The following SCARA5 variants were observed in gnomAD, a reference collection of about 807,000 sequenced individuals.
SCARA5 encodes the protein scavenger receptor class A member 5, also known as scavenger receptor class A, member 5 (putative).
A neutral mutation model predicts 46.3 loss-of-function variants in SCARA5; 45 were observed. That is an observed-to-expected ratio of 0.97 (90% CI 0.76 to 1.24). The LOEUF is 1.24. Ranked by LOEUF, SCARA5 falls within the 50% of genes most tolerant of loss-of-function variation. The pLI, the probability that SCARA5 is intolerant of heterozygous loss-of-function variation, is 0.00. For missense variants in SCARA5, 680 were observed against 689.0 expected (o/e 0.99, Z 0.15); for synonymous variants, 333 against 306.5 (o/e 1.09, Z -0.90).
intron 2 of SCARA5, among the ~76,000 whole-genome samples, chr8:27,974,478 C>A (rs1024002977): frequency 6.6e-5 from 10 of 151,974 alleles, no homozygotes; most frequent in Non-Finnish European, 1.5e-4. Flanking sequence ...GGCAATGATT[C>A]CATTGTTACC....
chr8:27,937,747 C>A (rs1420548833), intron 3 of SCARA5, among the ~76,000 whole-genome samples: 3 of 152,184 alleles, frequency 2.0e-5, no homozygotes, highest in Non-Finnish European at 2.9e-5. Context: ...CTCTCCTTGG[C>A]TCGTAGATGG....
chr8:27,966,268 T>C, intron 3 of SCARA5, 146 bp downstream of exon 3: 1 of 805,064 alleles, frequency 1.2e-6, no homozygotes. Context: ...CAAGCAATAC[T>C]ACTGAAGAGC....
intron 3 of SCARA5, among the ~76,000 whole-genome samples, chr8:27,946,141 G>A (rs1184075681): frequency 2.0e-5 from 3 of 152,218 alleles, no homozygotes; most frequent in Non-Finnish European, 4.4e-5. Flanking sequence ...TAGAGAAGTC[G>A]TGGATGAGCA....
chr8:27,918,679 T>TGAG (rs1563525100), intron 4 of SCARA5, among the ~76,000 whole-genome samples: 1 of 11,936 alleles, frequency 8.4e-5, no homozygotes, highest in South Asian at 5.0e-3. Flanking sequence ...AAAAGGAAGA[T>TGAG]GAGGAGGAAA....
At position 27,966,509 on chromosome 8, in the gene SCARA5, C is replaced by T. The variant is rs977295794; in HGVS notation, c.146G>A (p.Cys49Tyr). ...PCHKRRASIC[C>Y]TQLGSLSALK... ...GGCCGACAGGGACCCCAGCTGGGTACAGCAGATGCTTGCCCGCCGTTTGTG... is the reference window on the plus strand; with the variant it reads ...GGCCGACAGGGACCCCAGCTGGGTATAGCAGATGCTTGCCCGCCGTTTGTG... The change falls in exon 3 of 9, where the codon TGT becomes TAT. Residue 49 changes from cysteine to tyrosine, a missense_variant. Physicochemically the swap from Cys to Tyr is radical, Grantham distance 194. Coordinates refer to ENST00000354914, the MANE Select transcript of SCARA5 (RefSeq NM_173833.6). 1.9e-6 allele frequency: 3 copies of T among 1,613,658 alleles called. No homozygotes were observed. Among genetic ancestry groups the T allele is most frequent in the South Asian group, 1.1e-5 (1 of 91,026 alleles).
At chr8:27,936,329 A>G (rs1291543285) in intron 3 of SCARA5, among the ~76,000 whole-genome samples, 1 of 152,072 alleles carries the variant, frequency 6.6e-6, no homozygotes, top group Non-Finnish European at 1.5e-5. Flanking sequence ...TCTTACAGGC[A>G]GGGTCCAACA....
chr8:27,888,199 C>T (rs746373866), intron 7 of SCARA5, among the ~76,000 whole-genome samples: 1 of 152,180 alleles, frequency 6.6e-6, no homozygotes, highest in Non-Finnish European at 1.5e-5. Flanking sequence ...GCTGGGACTA[C>T]AGGGTGCATG....
intron 2 of SCARA5, among the ~76,000 whole-genome samples, chr8:27,984,620 G>GCATC (rs1394652193): frequency 2.1e-5 from 2 of 96,296 alleles, no homozygotes; most frequent in African/African-American, 8.5e-5. Flanking sequence ...ATCCATCCAT[G>GCATC]CATCCATCCA....
intron 4 of SCARA5, among the ~76,000 whole-genome samples, chr8:27,918,654 AGG>A (rs1807512779): frequency 4.2e-3 from 3 of 706 alleles, no homozygotes; most frequent in African/African-American, 0.013. Flanking sequence ...GAGGAGGAAA[AGG>A]AAGATGAGGA....
At chr8:27,977,488 T>C (rs1191583602) in intron 2 of SCARA5, among the ~76,000 whole-genome samples, 2 of 152,212 alleles carry the variant, frequency 1.3e-5, no homozygotes, top group East Asian at 3.9e-4. Context: ...TTTCTTCTAC[T>C]TTCTTGTTCT....
intron 2 of SCARA5, among the ~76,000 whole-genome samples, chr8:27,970,450 T>C (rs1432950587): frequency 6.6e-6 from 1 of 152,194 alleles, no homozygotes; most frequent in Non-Finnish European, 1.5e-5. Flanking sequence ...CCCCAGACGT[T>C]ACCACCCCTT....
At chr8:27,941,797 CATCATT>C (rs200887495) in intron 3 of SCARA5, among the ~76,000 whole-genome samples, 3,362 of 109,970 alleles carry the variant, frequency 0.031, 112 homozygotes, top group African/African-American at 0.099. Context: ...CCATTTACAT[CATCATT>C]ATTATTATTA....
At chr8:27,918,422 G>A (rs1475872709) in intron 4 of SCARA5, among the ~76,000 whole-genome samples, 1 of 151,346 alleles carries the variant, frequency 6.6e-6, no homozygotes, top group Non-Finnish European at 1.5e-5. Context: ...GATAAATGCA[G>A]AAACTCAGAA....
intron 7 of SCARA5, among the ~76,000 whole-genome samples, chr8:27,891,101 A>G (rs1038908816): frequency 6.6e-6 from 1 of 152,136 alleles, no homozygotes; most frequent in Non-Finnish European, 1.5e-5. Flanking sequence ...GATCAGTGAC[A>G]AAGACTCTGT....
intron 2 of SCARA5, among the ~76,000 whole-genome samples, chr8:27,970,888 T>TAA (rs550022213): frequency 1.3e-5 from 2 of 151,468 alleles, no homozygotes; most frequent in African/African-American, 4.9e-5. Context: ...GGCTTTTTTT[T>TAA]AAAAAAAAAC....
chr8:27,921,896 C>T lies in SCARA5; in HGVS notation c.591G>A (p.Leu197=). 6.6e-7 allele frequency: 1 copy of T among 1,506,350 alleles called. No homozygotes were observed. The highest frequency in any genetic ancestry group is 8.8e-7 in the Non-Finnish European group (1 of 1,135,402). 93.3% of individuals were successfully genotyped at this position (1,506,350 alleles called of 1,614,324 possible). Residue 197 remains leucine, a synonymous_variant, in exon 4 of 9, where the codon CTG becomes CTA. Coordinates refer to ENST00000354914, the MANE Select transcript of SCARA5 (RefSeq NM_173833.6). ...QLQVESNSSQ[L]LLRRHAGLLD... The stretch of plus-strand genomic sequence containing the variant: ...GCAGGCCCGCGTGGCGCCTCAGCAG[C>T]AGCTGGCTACTGTTGCTCTCCACCT...
intron 2 of SCARA5, among the ~76,000 whole-genome samples, chr8:27,973,344 G>A (rs1808475510): frequency 6.6e-6 from 1 of 152,086 alleles, no homozygotes; most frequent in Admixed American, 6.5e-5. Context: ...AGGCTTGGTG[G>A]TGCAGGCCTG....
chr8:27,942,894 A>G (rs540005230), intron 3 of SCARA5, among the ~76,000 whole-genome samples: 1 of 152,258 alleles, frequency 6.6e-6, no homozygotes, highest in East Asian at 1.9e-4. Context: ...CAAGAACACC[A>G]TCTCCTCTGC....
chr8:27,876,212 T>C (rs1303600797), intron 8 of SCARA5, among the ~76,000 whole-genome samples: 2 of 152,186 alleles, frequency 1.3e-5, no homozygotes, highest in Admixed American at 1.3e-4. Flanking sequence ...TTTATAGTAA[T>C]TCTTCAATAG....
Sources: allele counts gnomAD v4.1 joint callset (sites outside exome capture counted in the v4.1 genomes callset), GRCh38; gene constraint gnomAD v4.1.1; transcripts MANE v1.5; gene names NCBI Gene and HGNC (gene_info 2026-07-23, HGNC 2026-07-21).